PTBP3: variants seen among roughly 807,000 people sequenced by gnomAD.
PTBP3 encodes the protein polypyrimidine tract binding protein 3, also known as polypyrimidine tract-binding protein 3.
Under a neutral mutation model 58.7 loss-of-function variants are expected in PTBP3, and 20 were observed. The ratio of observed to expected loss-of-function variants is 0.34; its 90% CI spans 0.24 to 0.50. The LOEUF is 0.50. PTBP3 is among the 20% of genes least tolerant of loss of function. The pLI is 0.98. For synonymous variants in PTBP3, 185 were observed against 219.8 expected (o/e 0.84, Z 1.40); for missense variants, 509 against 637.2 (o/e 0.80, Z 2.17).
chr9:112,287,017 A>G (rs1322908460), intron 2 of PTBP3, among the ~76,000 whole-genome samples: 1 of 151,938 alleles, frequency 6.6e-6, no homozygotes, highest in Non-Finnish European at 1.5e-5. Flanking sequence ...GTCCCCCCTC[A>G]TCCGTCTCCA....
chr9:112,320,360 CAT>C (rs1409030494), intron 1 of PTBP3, among the ~76,000 whole-genome samples: 2 of 132,568 alleles, frequency 1.5e-5, no homozygotes, highest in South Asian at 2.4e-4. Context: ...AGTGACAATG[CAT>C]ATGTTAATTA....
At chr9:112,259,017 T>C (rs1261361721) in intron 5 of PTBP3, among the ~76,000 whole-genome samples, 1 of 152,076 alleles carries the variant, frequency 6.6e-6, no homozygotes, top group African/African-American at 2.4e-5. Context: ...AGTGGTACAA[T>C]CTTGGTTCAA....
At chr9:112,320,314 A>ATATATATATATATATATATATTTTT in intron 1 of PTBP3, among the ~76,000 whole-genome samples, 8 of 75,688 alleles carry the variant, frequency 1.1e-4, no homozygotes, top group South Asian at 9.7e-4. Context: ...ATATATATAT[A>ATATATATATATATATATATATTTTT]TTTTTTTTTA....
In PTBP3 at chr9:112,269,120, C is replaced by T. The variant is rs377060563; in HGVS notation, c.205-925G>A. Among the ~76,000 whole-genome samples the T allele has an allele frequency of 2.2e-4, 33 of 150,756 alleles. No individual in the cohort carries two copies. The East Asian group carries it at 6.4e-3, about 29-fold the overall frequency. On this transcript the variant is annotated intron_variant, in intron 3 of 13. Coordinates refer to ENST00000374257, the MANE Select transcript of PTBP3 (RefSeq NM_001163788.4). ...GCTAAGGCAGGAGAATCACTTGAAC[C>T]CAGGAGGCGGAGGTTGCAGTGAGCC...
intron 1 of PTBP3, among the ~76,000 whole-genome samples, chr9:112,299,328 T>A (rs572579575): frequency 6.6e-6 from 1 of 152,032 alleles, no homozygotes. Context: ...TTTTCAAGAA[T>A]AACAAAAAGC....
chr9:112,377,458 G>T, the PTBP3 span, among the ~76,000 whole-genome samples: 1 of 152,216 alleles, frequency 6.6e-6, no homozygotes. Context: ...ATTCTAGAAA[G>T]ATCATGCTGC....
chr9:112,374,386 T>C, the PTBP3 span, among the ~76,000 whole-genome samples: 1 of 152,210 alleles, frequency 6.6e-6, no homozygotes, highest in Admixed American at 6.5e-5. Flanking sequence ...TAGTGGATCA[T>C]TGGGCGTTAC....
At chr9:112,285,698 T>C (rs533995209) in intron 2 of PTBP3, among the ~76,000 whole-genome samples, 1 of 152,208 alleles carries the variant, frequency 6.6e-6, no homozygotes, top group African/African-American at 2.4e-5. Flanking sequence ...ACACAGAAAT[T>C]TGAATTTCAT....
At chr9:112,296,018 G>T (rs1180689616) in intron 2 of PTBP3, among the ~76,000 whole-genome samples, 4 of 152,182 alleles carry the variant, frequency 2.6e-5, no homozygotes, top group Admixed American at 1.3e-4. Flanking sequence ...AACGTTGTGA[G>T]ACTGTTTTGC....
At chr9:112,235,887 G>T (rs1249899597) in intron 7 of PTBP3, among the ~76,000 whole-genome samples, 1 of 152,046 alleles carries the variant, frequency 6.6e-6, no homozygotes, top group Non-Finnish European at 1.5e-5. Flanking sequence ...AAGAAACAAG[G>T]AATTATAGTA....
chr9:112,302,882 G>A (rs1200000854), intron 1 of PTBP3, among the ~76,000 whole-genome samples: 2 of 152,034 alleles, frequency 1.3e-5, no homozygotes, highest in Non-Finnish European at 2.9e-5. Context: ...GAGCCACCAC[G>A]CCCAGCCTGA....
At chr9:112,242,086 G>C (rs114222986) in intron 7 of PTBP3, among the ~76,000 whole-genome samples, 2 of 151,986 alleles carry the variant, frequency 1.3e-5, no homozygotes, top group Non-Finnish European at 1.5e-5. Context: ...ATGAACATTT[G>C]TGTTTAATTA....
Position 112,222,527 on chromosome 9 carries a change from C to A in PTBP3, c.*1324G>T. On this transcript the variant is annotated 3_prime_UTR_variant, in exon 14 of 14. Coordinates refer to ENST00000374257, the MANE Select transcript of PTBP3 (RefSeq NM_001163788.4). Reference sequence around the variant, plus strand: ...CAGCCCCAAATTGATATGCAATAACCCCTATCAGTCACAATGTAAAGAGGC... The same window carrying A: ...CAGCCCCAAATTGATATGCAATAACACCTATCAGTCACAATGTAAAGAGGC... 8 of 985,334 alleles carry A rather than the reference C, an allele frequency of 8.1e-6. No homozygotes were observed. The highest frequency in any genetic ancestry group is 9.6e-6 in the Non-Finnish European group (8 of 829,718). 61.0% of individuals were successfully genotyped at this position (985,334 alleles called of 1,614,324 possible).
chr9:112,260,220 A>C lies in PTBP3; in HGVS notation c.516+2215T>G, dbSNP rs562417576. On this transcript the variant is annotated intron_variant, in intron 5 of 13. Coordinates refer to ENST00000374257, the MANE Select transcript of PTBP3 (RefSeq NM_001163788.4). ...CCCCACACCCAACCCCTTCTTGGGC[A>C]CTTAATATGTATCAGGCCCTGTTCT... is the stretch of plus-strand genomic sequence containing the variant. Among the ~76,000 whole-genome samples the C allele has an allele frequency of 2.8e-3, 434 of 152,314 alleles. 3 individuals carry two copies. The highest frequency in any genetic ancestry group is 3.2e-3 in the Non-Finnish European group (219 of 68,030).
At chr9:112,225,831 G>A (rs911131686) in intron 12 of PTBP3, among the ~76,000 whole-genome samples, 1 of 152,106 alleles carries the variant, frequency 6.6e-6, no homozygotes, top group African/African-American at 2.4e-5. Flanking sequence ...CAGATTGCTT[G>A]AGCTCAGAAG....
the PTBP3 span, among the ~76,000 whole-genome samples, chr9:112,356,958 C>T: frequency 2.0e-5 from 3 of 146,410 alleles, no homozygotes; most frequent in African/African-American, 7.6e-5. Flanking sequence ...CAACTCACTG[C>T]AACCTCCACC....
At chr9:112,311,776 T>A (rs1319235744) in intron 1 of PTBP3, among the ~76,000 whole-genome samples, 2 of 152,008 alleles carry the variant, frequency 1.3e-5, no homozygotes, top group Non-Finnish European at 2.9e-5. Context: ...AAACCCTGTC[T>A]CTGAAAAAAA....
chr9:112,281,997 T>TCA (rs35697280), intron 2 of PTBP3, among the ~76,000 whole-genome samples: 127,622 of 151,896 alleles, frequency 0.84, 53,910 homozygotes, highest in African/African-American at 0.92. Flanking sequence ...GGCTGACTTT[T>TCA]CAGTGTCCTC....
intron 4 of PTBP3, among the ~76,000 whole-genome samples, chr9:112,267,199 G>A (rs1298675106): frequency 8.5e-5 from 12 of 141,164 alleles, no homozygotes; most frequent in Admixed American, 7.4e-4. Context: ...ACAGAGTCTC[G>A]CTCTCACCCA....
Sources: gnomAD v4.1 joint callset for allele counts (sites outside exome capture counted in the v4.1 genomes callset) on GRCh38, gnomAD v4.1.1 for gene constraint, MANE v1.5 for transcripts, NCBI Gene and HGNC (gene_info 2026-07-23, HGNC 2026-07-21) for gene names.